Variants in PRR36 observed in about 807,000 individuals in gnomAD.
PRR36 encodes proline rich 36.
A neutral mutation model predicts 58.6 loss-of-function variants in PRR36; 30 were observed. The ratio of observed to expected loss-of-function variants is 0.51; its 90% CI spans 0.38 to 0.69. The LOEUF (loss-of-function observed/expected upper bound fraction) is 0.69. PRR36 is among the 30% of genes least tolerant of loss of function. The probability of loss-of-function intolerance (pLI) is 0.00; values close to 1 mark genes in which losing one functional copy is unlikely to be tolerated. For missense variants in PRR36, 1,692 were observed against 1,805.6 expected (o/e 0.94, Z 1.14); for synonymous variants, 771 against 829.3 (o/e 0.93, Z 1.21).
In PRR36 at chr19:7,868,930, G is replaced by T; in HGVS notation, c.*103C>A. 2.3e-6 allele frequency: 3 copies of T among 1,294,834 alleles called. No homozygotes were observed. Among genetic ancestry groups the T allele is most frequent in the Non-Finnish European group, 3.1e-6 (3 of 976,054 alleles). 80.2% of individuals were successfully genotyped at this position (1,294,834 alleles called of 1,614,324 possible). A position where few individuals can be genotyped will look rare whatever the true frequency, so the allele number is the denominator to read the frequency against. ...GGGAGCTAAGACTAATCCACCCAGC[G>T]GGGCTCCAGGGCAGTGGAGGCGGGG... On this transcript the variant is annotated 3_prime_UTR_variant, in exon 6 of 6. Transcript: ENST00000618550.
In PRR36 at chr19:7,868,749, A is replaced by C. The variant is rs1286164417; in HGVS notation, c.*284T>G. ...GTCCCAGTGTCCCAGTTTTATTGCA[A>C]ACTCAGGCTGTGCGGGGTGGGCAAT... On this transcript the variant is annotated 3_prime_UTR_variant, in exon 6 of 6. Transcript: ENST00000618550. The C allele has an allele frequency of 8.3e-6, 3 of 360,528 alleles. No homozygotes were observed. The East Asian group carries it at 1.3e-4, about 15-fold the overall frequency. 22.3% of individuals were successfully genotyped at this position (360,528 alleles called of 1,614,324 possible).
Position 7,869,516 on chromosome 19 carries a change from G to C in PRR36, c.3558C>G (p.Thr1186=). ...ACAGACCGTCAGCAGAGCCCGGTCCGGTAGCGGGAGGCCACGGCAGGGGCG... is the reference window on the plus strand; with the variant it reads ...ACAGACCGTCAGCAGAGCCCGGTCCCGTAGCGGGAGGCCACGGCAGGGGCG... The part of the protein sequence containing the change: ...PGAPLPWPPA[T]GPGSADGLCT... The change falls in exon 6 of 6, where the codon ACC becomes ACG. Residue 1186 remains threonine, a synonymous_variant. Transcript: ENST00000618550. The C allele has an allele frequency of 2.0e-6, 3 of 1,519,404 alleles. No homozygotes were observed. The highest frequency in any genetic ancestry group is 2.4e-5 in the South Asian group (2 of 83,122). The allele number at this position is 1,519,404 out of a possible 1,614,324, so 94.1% of individuals were successfully genotyped here.
Position 7,871,697 on chromosome 19 carries a change from G to T in PRR36, c.1547C>A (p.Ala516Asp). The stretch of plus-strand genomic sequence containing the variant: ...AGGAGAGTCCTGCAGAGGAAGAGTG[G>T]CCAGAGTGTGGGGCGTGGCCTGGAG... ...PSLQATPHTL[A>D]TLPLQDSPLL... Residue 516 changes from alanine to aspartate, a missense_variant, in exon 5 of 6, where the codon GCC becomes GAC. This residue lies in a region of PRR36 where 975 missense variants were observed against 955.2 expected (regional missense o/e 1.02). Transcript: ENST00000618550. 1 of 1,535,926 alleles carries T rather than the reference G, an allele frequency of 6.5e-7. No individual in the cohort carries two copies. Among genetic ancestry groups the T allele is most frequent in the Non-Finnish European group, 8.7e-7 (1 of 1,146,840 alleles).
rs1189117042 is a variant in PRR36 at position 7,870,854 on chromosome 19, G to A, written c.2390C>T (p.Pro797Leu). ...APCPLQAPPS[P>L]LTTPPPETPS... ...CGTCTCCGGAGGGGGCGTGGTCAAT[G>A]GCGAAGGTGGTGCTTGCAGAGGGCA... Residue 797 changes from proline to leucine, a missense_variant, in exon 5 of 6, where the codon CCA (proline) becomes CTA (leucine). Pro to Leu is a moderately conservative substitution (Grantham distance 98, BLOSUM62 -3). This residue lies in a region of PRR36 where 171 missense variants were observed against 146.2 expected (regional missense o/e 1.17). Coordinates refer to ENST00000618550, the MANE Select transcript of PRR36 (RefSeq NM_001190467.2). 2.1e-6 allele frequency: 3 copies of A among 1,447,714 alleles called. No individual in the cohort carries two copies. Among genetic ancestry groups the A allele is most frequent in the Non-Finnish European group, 2.7e-6 (3 of 1,107,598 alleles). The allele number at this position is 1,447,714 out of a possible 1,614,324, so 89.7% of individuals were successfully genotyped here.
rs1158062827 is a variant in PRR36, at chr19:7,873,411, TG to T, written c.271+7del. 2.0e-6 allele frequency: 3 copies of T among 1,524,708 alleles called. No individual in the cohort carries two copies. Among genetic ancestry groups the T allele is most frequent in the East Asian group, 2.5e-5 (1 of 40,624 alleles). 94.4% of individuals were successfully genotyped at this position (1,524,708 alleles called of 1,614,324 possible). ...TGGGGGCGGAGCTGAGGAAGGAGGC[TG>T]GGGTACCAGGGTTTCGGGAACTTGT... On this transcript the variant is annotated splice_region_variant and intron_variant, in intron 2 of 5. Transcript: ENST00000618550. The surrounding 1 kb of genome is among the most constrained non-coding windows in gnomAD (Gnocchi z 5.0).
Position 7,872,149 on chromosome 19 carries a change from C to G in PRR36, c.1095G>C (p.Gln365His), listed in dbSNP as rs1980483979. ...GGGCTAGAGGAAGGGGCGTGGCCAA[C>G]TGACAGGTAAGGCTCGACGAGTGGG... ...ATPHSSSLTC[Q>H]LATPLPLAPP... is the part of the protein sequence containing the mutation. The change falls in exon 5 of 6, where the codon CAG becomes CAC. Residue 365 changes from glutamine (Q) to histidine (H), a missense_variant. Gln to His is a conservative substitution (Grantham distance 24). Coordinates refer to ENST00000618550, the MANE Select transcript of PRR36 (RefSeq NM_001190467.2). The surrounding 1 kb of genome is among the most constrained non-coding windows in gnomAD (Gnocchi z 6.1). The G allele has an allele frequency of 9.4e-6, 14 of 1,497,192 alleles. No individual in the cohort carries two copies. The highest frequency in any genetic ancestry group is 2.6e-5 in the South Asian group (2 of 77,422). 92.7% of individuals were successfully genotyped at this position (1,497,192 alleles called of 1,614,324 possible). A position where few individuals can be genotyped will look rare whatever the true frequency, so the allele number is the denominator to read the frequency against.
chr19:7,869,347 G>A lies in PRR36; in HGVS notation c.3727C>T (p.Arg1243Cys), dbSNP rs1980258226. 7.0e-7 allele frequency: 1 copy of A among 1,428,094 alleles called. No individual in the cohort carries two copies. The highest frequency in any genetic ancestry group is 3.0e-5 in the East Asian group (1 of 33,434). The allele number at this position is 1,428,094 out of a possible 1,614,324, so 88.5% of individuals were successfully genotyped here. A position where few individuals can be genotyped will look rare whatever the true frequency, so the allele number is the denominator to read the frequency against. The change falls in exon 6 of 6, where the codon CGC (arginine) becomes TGC (cysteine). Residue 1243 changes from arginine to cysteine, a missense_variant. By Grantham distance (180) the Arg-to-Cys change is radical. Coordinates refer to ENST00000618550, the MANE Select transcript of PRR36 (RefSeq NM_001190467.2). ...GCCCCCAGTGGCAGCTCGCCCAGGC[G>A]CGCCTGCTTCGGGCTCCGCGAGGAC... ...GASSRSPKQARLGELPLGALQ... is the reference protein window; with the variant it reads ...GASSRSPKQACLGELPLGALQ...
In PRR36 at chr19:7,870,302, G is replaced by T; in HGVS notation, c.2942C>A (p.Pro981His). The change falls in exon 5 of 6, where the codon CCC becomes CAC. Residue 981 changes from proline to histidine, a missense_variant. By Grantham distance (77) the Pro-to-His change is moderately conservative. Coordinates refer to ENST00000618550, the MANE Select transcript of PRR36 (RefSeq NM_001190467.2). ...PSATPPPRVP[P>H]LLAAPPLQVP... ...CTGCAGAGGAGGAGCGGCAAGAAGG[G>T]GTGGGACCCGTGGAGGGGGCGTGGC... is the stretch of plus-strand genomic sequence containing the variant. 3 of 1,268,436 alleles carry T rather than the reference G, an allele frequency of 2.4e-6. No individual in the cohort carries two copies. The highest frequency in any genetic ancestry group is 3.0e-6 in the Non-Finnish European group (3 of 1,007,920). 78.6% of individuals were successfully genotyped at this position (1,268,436 alleles called of 1,614,324 possible).
Position 7,872,929 on chromosome 19 carries a change from A to T in PRR36, c.407T>A (p.Ile136Asn), listed in dbSNP as rs147331962. The T allele has an allele frequency of 7.2e-3, 11,002 of 1,536,004 alleles. 43 individuals carry two copies. Among genetic ancestry groups the T allele is most frequent in the Non-Finnish European group, 8.8e-3 (10,044 of 1,146,834 alleles). Reference protein sequence around the residue: ...PGPLGQKGLRISAEETVARGK... With the variant: ...PGPLGQKGLRNSAEETVARGK... ...TCTGGCCACAGTTTCCTCCGCTGAG[A>T]TCCGGAGTCCCTTCTGGCCAAGAGG... is the stretch of plus-strand genomic sequence containing the variant. The change falls in exon 4 of 6, where the codon ATC (isoleucine) becomes AAC (asparagine). Residue 136 changes from isoleucine (I) to asparagine (N), a missense_variant. Transcript: ENST00000618550. The surrounding 1 kb of genome is among the most constrained non-coding windows in gnomAD (Gnocchi z 6.1).
Position 7,869,313 on chromosome 19 carries a change from G to A in PRR36, c.3761C>T (p.Ala1254Val). The change falls in exon 6 of 6, where the codon GCG (alanine) becomes GTG (valine). Residue 1254 changes from alanine to valine, a missense_variant. Ala to Val is a moderately conservative substitution (Grantham distance 64). Around this residue, in one of 5 missense-constraint regions of PRR36, gnomAD observed 485 missense variants for 549.2 expected, o/e 0.88. Transcript: ENST00000618550. ...LGELPLGALQ[A>V]SVVQHLLSRT... The stretch of plus-strand genomic sequence containing the variant: ...GCTCAGCAGGTGCTGCACGACGCTC[G>A]CCTGCAGCGCCCCCAGTGGCAGCTC... The A allele has an allele frequency of 2.1e-6, 3 of 1,430,582 alleles. No individual in the cohort carries two copies. Among genetic ancestry groups the A allele is most frequent in the Non-Finnish European group, 1.8e-6 (2 of 1,101,066 alleles). The allele number at this position is 1,430,582 out of a possible 1,614,324, so 88.6% of individuals were successfully genotyped here.
chr19:7,869,887 C>G lies in PRR36; in HGVS notation c.3357G>C (p.Leu1119=). ...TCGTGGCGCTGCTGCTGTGGCCGGCCAGGTCTGGGCCGCTCAGCGTGCTGG... is the reference window on the plus strand; with the variant it reads ...TCGTGGCGCTGCTGCTGTGGCCGGCGAGGTCTGGGCCGCTCAGCGTGCTGG... ...SPSSTLSGPD[L]AGHSSSATST... Residue 1119 remains leucine (L), a synonymous_variant, in exon 5 of 6, where the codon CTG becomes CTC. Coordinates refer to ENST00000618550, the MANE Select transcript of PRR36 (RefSeq NM_001190467.2). The G allele has an allele frequency of 7.6e-7, 1 of 1,322,060 alleles. No individual in the cohort carries two copies. 81.9% of individuals were successfully genotyped at this position (1,322,060 alleles called of 1,614,324 possible). A position where few individuals can be genotyped will look rare whatever the true frequency, so the allele number is the denominator to read the frequency against.
chr19:7,872,581 G>C lies in PRR36; in HGVS notation c.663C>G (p.Ser221Arg). The change falls in exon 5 of 6, where the codon AGC (serine) becomes AGG (arginine). Residue 221 changes from serine (S) to arginine (R), a missense_variant. By Grantham distance (110) the Ser-to-Arg change is moderately radical (BLOSUM62 -1). Around this residue, in one of 5 missense-constraint regions of PRR36, gnomAD observed 975 missense variants for 955.2 expected, o/e 1.02. Coordinates refer to ENST00000618550, the MANE Select transcript of PRR36 (RefSeq NM_001190467.2). The surrounding 1 kb of genome is among the most constrained non-coding windows in gnomAD (Gnocchi z 6.1). ...SASEHSTTEP[S>R]PAARRRPSAG... ...CGCTGGGCCGCCTCCTGGCAGCCGG[G>C]CTTGGCTCGGTGGTACTGTGCTCCG... The C allele has an allele frequency of 6.6e-7, 1 of 1,524,354 alleles. No individual in the cohort carries two copies. The highest frequency in any genetic ancestry group is 1.8e-4 in the Middle Eastern group (1 of 5,532). The allele number at this position is 1,524,354 out of a possible 1,614,324, so 94.4% of individuals were successfully genotyped here. A position where few individuals can be genotyped will look rare whatever the true frequency, so the allele number is the denominator to read the frequency against.
chr19:7,869,460 G>A lies in PRR36; in HGVS notation c.3614C>T (p.Ser1205Leu), dbSNP rs1474597941. ...CTIYETEGPE[S>L]ATPAPGALDP... Reference sequence around the variant, plus strand: ...CAGTGCGCCAGGGGCGGGGGTCGCCGACTCGGGCCCTTCAGTCTCGTAGAT... The same window carrying A: ...CAGTGCGCCAGGGGCGGGGGTCGCCAACTCGGGCCCTTCAGTCTCGTAGAT... The change falls in exon 6 of 6, where the codon TCG becomes TTG. Residue 1205 changes from serine to leucine, a missense_variant. Ser to Leu is a moderately radical substitution (Grantham distance 145). This residue lies in a region of PRR36 where 485 missense variants were observed against 549.2 expected (regional missense o/e 0.88). Coordinates refer to ENST00000618550, the MANE Select transcript of PRR36 (RefSeq NM_001190467.2). 2.0e-6 allele frequency: 3 copies of A among 1,503,210 alleles called. No homozygotes were observed. The highest frequency in any genetic ancestry group is 2.6e-6 in the Non-Finnish European group (3 of 1,133,008). The allele number at this position is 1,503,210 out of a possible 1,614,324, so 93.1% of individuals were successfully genotyped here.
Position 7,871,814 on chromosome 19 carries a change from G to A in PRR36, c.1430C>T (p.Ser477Leu), listed in dbSNP as rs1188219140. Residue 477 changes from serine (S) to leucine (L), a missense_variant, in exon 5 of 6, where the codon TCG becomes TTG. By Grantham distance (145) the Ser-to-Leu change is moderately radical (BLOSUM62 -2). Transcript: ENST00000618550. ...AGGGAGTGCGGCCAGGGGAAAAGCC[G>A]AATTCCCCAGAGATGTTGCCGGAGA... ...PVSPATSLGN[S>L]AFPLAALPQP... is the part of the protein sequence containing the mutation. 6.5e-7 allele frequency: 1 copy of A among 1,535,776 alleles called. No individual in the cohort carries two copies. Among genetic ancestry groups the A allele is most frequent in the Admixed American group, 2.0e-5 (1 of 50,982 alleles).
Position 7,872,083 on chromosome 19 carries a change from G to A in PRR36, c.1161C>T (p.Pro387=). ...GCGAGGGGGGCGTGGCTGGTGGAGAGGGGAGGGTCTGCAGAGAAGGTGGAG... is the reference window on the plus strand; with the variant it reads ...GCGAGGGGGGCGTGGCTGGTGGAGAAGGGAGGGTCTGCAGAGAAGGTGGAG... ...PSAPPSLQTL[P]SPPATPPSQV... Residue 387 remains proline (P), a synonymous_variant, in exon 5 of 6, where the codon CCC becomes CCT. Transcript: ENST00000618550. The surrounding 1 kb of genome is among the most constrained non-coding windows in gnomAD (Gnocchi z 6.1). 2.0e-6 allele frequency: 3 copies of A among 1,535,132 alleles called. No homozygotes were observed. The highest frequency in any genetic ancestry group is 2.6e-6 in the Non-Finnish European group (3 of 1,146,524).
rs1264020123 is a variant in PRR36, at chr19:7,872,487, C to T, written c.757G>A (p.Ala253Thr). Residue 253 changes from alanine to threonine, a missense_variant, in exon 5 of 6, where the codon GCC becomes ACC. This residue lies in a region of PRR36 where 975 missense variants were observed against 955.2 expected (regional missense o/e 1.02). Coordinates refer to ENST00000618550, the MANE Select transcript of PRR36 (RefSeq NM_001190467.2). This position sits in a 1 kb window ranked among gnomAD's most constrained non-coding sequence, Gnocchi z 6.1. ...SSSATPLSSP[A>T]RSGPSARGTP... ...CCGCGGGCTGAGGGCCCAGAACGGGCTGGGGAGGAGAGAGGGGTGGCGCTG... is the reference window on the plus strand; with the variant it reads ...CCGCGGGCTGAGGGCCCAGAACGGGTTGGGGAGGAGAGAGGGGTGGCGCTG... 2.7e-6 allele frequency: 4 copies of T among 1,480,654 alleles called. No individual in the cohort carries two copies. In the African/African-American group the frequency reaches 4.2e-5, roughly 16 times the overall value. 91.7% of individuals were successfully genotyped at this position (1,480,654 alleles called of 1,614,324 possible). A position where few individuals can be genotyped will look rare whatever the true frequency, so the allele number is the denominator to read the frequency against.
Position 7,873,201 on chromosome 19 carries a change from T to A in PRR36, c.370A>T (p.Thr124Ser), listed in dbSNP as rs1980545111. Residue 124 changes from threonine (T) to serine (S), a missense_variant, in exon 3 of 6, where the codon ACC becomes TCC. Around this residue, in one of 5 missense-constraint regions of PRR36, gnomAD observed 975 missense variants for 955.2 expected, o/e 1.02. Coordinates refer to ENST00000618550, the MANE Select transcript of PRR36 (RefSeq NM_001190467.2). The surrounding 1 kb of genome is among the most constrained non-coding windows in gnomAD (Gnocchi z 5.0). The stretch of plus-strand genomic sequence containing the variant: ...GGGGGAGAGGGAGCAGGTTACCTGG[T>A]GGTCCCGCTGGCACGCCCTGGGCTA... ...VSSPGRASGT[T>S]RPGPLGQKGL... 4 of 1,535,772 alleles carry A rather than the reference T, an allele frequency of 2.6e-6. No homozygotes were observed. The highest frequency in any genetic ancestry group is 3.5e-6 in the Non-Finnish European group (4 of 1,146,748).
In PRR36 at chr19:7,872,160, G is replaced by A. The variant is rs1012551585; in HGVS notation, c.1084C>T (p.Leu362Phe). 3.4e-6 allele frequency: 5 copies of A among 1,481,986 alleles called. No individual in the cohort carries two copies. Among genetic ancestry groups the A allele is most frequent in the East Asian group, 2.5e-5 (1 of 40,130 alleles). 91.8% of individuals were successfully genotyped at this position (1,481,986 alleles called of 1,614,324 possible). A position where few individuals can be genotyped will look rare whatever the true frequency, so the allele number is the denominator to read the frequency against. Residue 362 changes from leucine (L) to phenylalanine (F), a missense_variant, in exon 5 of 6, where the codon CTT becomes TTT. Leu to Phe is a conservative substitution (Grantham distance 22, BLOSUM62 0). Coordinates refer to ENST00000618550, the MANE Select transcript of PRR36 (RefSeq NM_001190467.2). This position sits in a 1 kb window ranked among gnomAD's most constrained non-coding sequence, Gnocchi z 6.1. Reference protein sequence around the residue: ...TLPATPHSSSLTCQLATPLPL... With the variant: ...TLPATPHSSSFTCQLATPLPL... Reference sequence around the variant, plus strand: ...AGGGGCGTGGCCAACTGACAGGTAAGGCTCGACGAGTGGGGCGTGGCCGGC... The same window carrying A: ...AGGGGCGTGGCCAACTGACAGGTAAAGCTCGACGAGTGGGGCGTGGCCGGC...
rs1281735952 is a variant in PRR36, at chr19:7,872,345, G to A, written c.899C>T (p.Ser300Phe). ...KDAAPALGPLSSSPLATPSPS... is the reference protein window; with the variant it reads ...KDAAPALGPLFSSPLATPSPS... ...AGAGGGTGTGGCCAAAGGAGAGGAAGAAAGCGGTCCTAGTGCTGGGGCTGC... is the reference window on the plus strand; with the variant it reads ...AGAGGGTGTGGCCAAAGGAGAGGAAAAAAGCGGTCCTAGTGCTGGGGCTGC... Residue 300 changes from serine (S) to phenylalanine (F), a missense_variant, in exon 5 of 6, where the codon TCT becomes TTT. Ser to Phe is a radical substitution (Grantham distance 155). Transcript: ENST00000618550. This position sits in a 1 kb window ranked among gnomAD's most constrained non-coding sequence, Gnocchi z 6.1. The A allele has an allele frequency of 2.1e-6, 3 of 1,451,852 alleles. No homozygotes were observed. The highest frequency in any genetic ancestry group is 1.8e-6 in the Non-Finnish European group (2 of 1,108,318). 89.9% of individuals were successfully genotyped at this position (1,451,852 alleles called of 1,614,324 possible).
Sources: gnomAD v4.1 joint callset for allele counts on GRCh38, gnomAD v4.1.1 for gene constraint, gnomAD v4.1.1 regional missense constraint, Gnocchi (gnomAD v3.1) non-coding constraint, MANE v1.5 for transcripts, NCBI Gene and HGNC (gene_info 2026-07-23, HGNC 2026-07-21) for gene names.